The following GLCE variants were observed in gnomAD, a reference collection of about 807,000 sequenced individuals.
GLCE encodes glucuronic acid epimerase, also known as D-glucuronyl C5-epimerase.
In GLCE, 19 loss-of-function variants were observed where a neutral mutation model predicts 47.9. The observed-to-expected ratio is 0.40, with a 90% confidence interval of 0.28 to 0.58. The LOEUF is 0.58. Ranked by LOEUF, GLCE falls within the 20% of genes least tolerant of loss-of-function variation. The pLI is 0.48. For missense variants in GLCE, 556 were observed against 743.3 expected (o/e 0.75, Z 2.93); for synonymous variants, 245 against 263.4 (o/e 0.93, Z 0.68).
intron 1 of GLCE, among the ~76,000 whole-genome samples, chr15:69,175,949 CATCAAAT>C: frequency 6.6e-6 from 1 of 152,224 alleles, no homozygotes; most frequent in South Asian, 2.1e-4. Flanking sequence ...AGCAGGAAAA[CATCAAAT>C]CACAAATAGG....
rs140248050 is a variant in GLCE, at chr15:69,196,515, A to G, written c.-104-13801A>G. On this transcript the variant is annotated intron_variant, in intron 1 of 4. Transcript: ENST00000261858. ...GCAGAGACAACTCGCAGCATCAACA[A>G]TGCATTTGGCCCAGAAATTGCTAAC... 383 of 184,442 alleles carry G rather than the reference A, an allele frequency of 2.1e-3. 2 individuals carry two copies. The highest frequency in any genetic ancestry group is 8.6e-3 in the African/African-American group (364 of 42,102). The allele number at this position is 184,442 out of a possible 1,614,324, so 11.4% of individuals were successfully genotyped here. A position where few individuals can be genotyped will look rare whatever the true frequency, so the allele number is the denominator to read the frequency against.
chr15:69,234,139 G>A (rs778581145), intron 2 of GLCE, among the ~76,000 whole-genome samples: 5 of 151,846 alleles, frequency 3.3e-5, no homozygotes, highest in Non-Finnish European at 7.4e-5. Flanking sequence ...CACTACACCC[G>A]GCTAATTTTT....
chr15:69,231,999 G>T (rs565240544), intron 2 of GLCE, among the ~76,000 whole-genome samples: 1 of 152,038 alleles, frequency 6.6e-6, no homozygotes, highest in East Asian at 1.9e-4. Flanking sequence ...CACCATATTG[G>T]CCAGGCTGGT....
At position 69,269,656 on chromosome 15, in the gene GLCE, T is replaced by TA. The variant is rs1410776497; in HGVS notation, c.*420dup. The stretch of plus-strand genomic sequence containing the variant: ...TTATATTTATGTTGAAAGCGGACTT[T>TA]AAAAAAAATAATGTGCTGTAACACA... On this transcript the variant is annotated 3_prime_UTR_variant, in exon 5 of 5. Transcript: ENST00000261858. The TA allele has an allele frequency of 6.2e-5, 10 of 160,754 alleles. No homozygotes were observed. The highest frequency in any genetic ancestry group is 2.2e-4 in the African/African-American group (9 of 41,638). 10.0% of individuals were successfully genotyped at this position (160,754 alleles called of 1,614,324 possible). A position where few individuals can be genotyped will look rare whatever the true frequency, so the allele number is the denominator to read the frequency against.
intron 1 of GLCE, among the ~76,000 whole-genome samples, chr15:69,185,962 G>A (rs2140346131): frequency 6.6e-6 from 1 of 152,118 alleles, no homozygotes; most frequent in East Asian, 1.9e-4. Context: ...TTGCTGGAGT[G>A]GTGCACAGAA....
Position 69,261,345 on chromosome 15 carries a change from T to C in GLCE, c.829+16T>C. Reference sequence around the variant, plus strand: ...ATTGCACCAGGTAAGTTATGTATTATATGTGCCTGCTAATTTTATGTTGAT... The same window carrying C: ...ATTGCACCAGGTAAGTTATGTATTACATGTGCCTGCTAATTTTATGTTGAT... On this transcript the variant is annotated intron_variant, in intron 4 of 4. Transcript: ENST00000261858. 1 of 1,604,358 alleles carries C rather than the reference T, an allele frequency of 6.2e-7. No individual in the cohort carries two copies. Among genetic ancestry groups the C allele is most frequent in the Non-Finnish European group, 8.5e-7 (1 of 1,173,976 alleles).
At chr15:69,185,650 ACT>A (rs1169294818) in intron 1 of GLCE, among the ~76,000 whole-genome samples, 4 of 151,522 alleles carry the variant, frequency 2.6e-5, no homozygotes, top group Non-Finnish European at 5.9e-5. Context: ...GTTTTTTTCT[ACT>A]CTCACACCAC....
chr15:69,201,517 A>G (rs2052076474), intron 1 of GLCE, among the ~76,000 whole-genome samples: 1 of 151,334 alleles, frequency 6.6e-6, no homozygotes, highest in Non-Finnish European at 1.5e-5. Context: ...TTGCTTTATA[A>G]AGAATTCTTC....
intron 1 of GLCE, among the ~76,000 whole-genome samples, chr15:69,175,395 AATTTCTT>A (rs1241299237): frequency 6.6e-6 from 1 of 152,168 alleles, no homozygotes; most frequent in Non-Finnish European, 1.5e-5. Context: ...TTCAAAACGA[AATTTCTT>A]TTTAGAAAAT....
At chr15:69,231,897 A>G (rs1358117926) in intron 2 of GLCE, among the ~76,000 whole-genome samples, 1 of 152,050 alleles carries the variant, frequency 6.6e-6, no homozygotes, top group Non-Finnish European at 1.5e-5. Flanking sequence ...GGTTCAAGCA[A>G]TTCTCCTGCC....
intron 2 of GLCE, among the ~76,000 whole-genome samples, chr15:69,226,843 C>CA (rs2052455785): frequency 6.9e-6 from 1 of 145,478 alleles, no homozygotes; most frequent in South Asian, 2.2e-4. Context: ...CTCCCAGGTT[C>CA]AAGCGATTTT....
intron 2 of GLCE, among the ~76,000 whole-genome samples, chr15:69,239,605 C>T (rs1204408308): frequency 6.6e-6 from 1 of 151,980 alleles, no homozygotes; most frequent in Non-Finnish European, 1.5e-5. Flanking sequence ...ATAGAGTGTA[C>T]CAGCATTGAA....
intron 2 of GLCE, among the ~76,000 whole-genome samples, chr15:69,235,090 A>AATCTTTTTTTTTTTTTTTTTTTTTT (rs1163529945): frequency 1.2e-5 from 1 of 82,488 alleles, no homozygotes; most frequent in African/African-American, 5.7e-5. Flanking sequence ...GATGAAGATT[A>AATCTTTTTTTTTTTTTTTTTTTTTT]TTCTTTTTTT....
chr15:69,204,904 G>C (rs924387463), intron 1 of GLCE, among the ~76,000 whole-genome samples: 1 of 152,062 alleles, frequency 6.6e-6, no homozygotes, highest in Non-Finnish European at 1.5e-5. Flanking sequence ...TATCTGAAAA[G>C]TAGGCAGAAT....
At chr15:69,176,217 T>C (rs1468604433) in intron 1 of GLCE, among the ~76,000 whole-genome samples, 1 of 25,160 alleles carries the variant, frequency 4.0e-5, no homozygotes, top group Non-Finnish European at 1.1e-4. Context: ...TGGAACCTTG[T>C]TTTTTTTTTT....
chr15:69,213,312 A>G (rs908718319), intron 2 of GLCE, among the ~76,000 whole-genome samples: 3 of 151,972 alleles, frequency 2.0e-5, no homozygotes, highest in African/African-American at 7.2e-5. Flanking sequence ...CCCATATTAC[A>G]TTTAGTTGTG....
intron 2 of GLCE, among the ~76,000 whole-genome samples, chr15:69,226,047 GAC>G (rs36218660): frequency 0.022 from 1,285 of 59,448 alleles, 10 homozygotes; most frequent in Admixed American, 0.036. Context: ...CGCATGCACA[GAC>G]ACACACACAC....
chr15:69,176,176 G>A (rs993588873), intron 1 of GLCE, among the ~76,000 whole-genome samples: 3 of 144,570 alleles, frequency 2.1e-5, no homozygotes, highest in Admixed American at 7.0e-5. Flanking sequence ...AGTCTAAAAG[G>A]AGTTAAATTT....
intron 1 of GLCE, among the ~76,000 whole-genome samples, chr15:69,193,930 C>T (rs185807853): frequency 2.0e-5 from 3 of 152,248 alleles, no homozygotes; most frequent in African/African-American, 7.2e-5. Flanking sequence ...TTAAACTTCT[C>T]TGACCATCTA....
Sources: gnomAD v4.1 joint callset for allele counts (sites outside exome capture counted in the v4.1 genomes callset) on GRCh38, gnomAD v4.1.1 for gene constraint, MANE v1.5 for transcripts, NCBI Gene and HGNC (gene_info 2026-07-23, HGNC 2026-07-21) for gene names.